Variants in PDGFC observed in about 807,000 individuals in gnomAD.
The protein encoded by PDGFC is platelet derived growth factor C.
In PDGFC, 12 loss-of-function variants were observed where a neutral mutation model predicts 35.5. The observed-to-expected ratio is 0.34, with a 90% CI of 0.22 to 0.55. The LOEUF is 0.55. PDGFC is among the 20% of genes least tolerant of loss of function. The pLI is 0.91. For missense variants in PDGFC, 322 were observed against 412.4 expected (o/e 0.78, Z 1.90); for synonymous variants, 159 against 148.8 (o/e 1.07, Z -0.50).
intron 2 of PDGFC, among the ~76,000 whole-genome samples, chr4:156,837,353 T>C (rs1399941726): frequency 6.6e-6 from 1 of 151,980 alleles, no homozygotes; most frequent in East Asian, 1.9e-4. Context: ...CACGGCAGCC[T>C]GGTGACAGAG....
At chr4:156,806,253 C>G (rs1731767113) in intron 3 of PDGFC, among the ~76,000 whole-genome samples, 1 of 151,968 alleles carries the variant, frequency 6.6e-6, no homozygotes, top group African/African-American at 2.4e-5. Flanking sequence ...TCATCCACCC[C>G]CTGCCCAGCT....
At chr4:156,781,753 T>C (rs1488901196) in intron 3 of PDGFC, among the ~76,000 whole-genome samples, 3 of 152,094 alleles carry the variant, frequency 2.0e-5, no homozygotes, top group Non-Finnish European at 4.4e-5. Flanking sequence ...CATTTATGTG[T>C]GTGTCTGTAG....
intron 1 of PDGFC, among the ~76,000 whole-genome samples, chr4:156,852,866 T>C (rs1173486078): frequency 6.6e-6 from 1 of 152,158 alleles, no homozygotes; most frequent in South Asian, 2.1e-4. Flanking sequence ...GAGAACAGTC[T>C]AAGGATGACA....
chr4:156,922,155 A>AGT (rs3070262), intron 1 of PDGFC, among the ~76,000 whole-genome samples: 64,933 of 145,112 alleles, frequency 0.45, 15,439 homozygotes, highest in Non-Finnish European at 0.55. Context: ...AAGGATTCAT[A>AGT]GTGTGTGTGT....
chr4:156,811,084 T>C (rs1307207992), intron 2 of PDGFC, 67 bp from the exon 3 acceptor site: 6 of 1,040,588 alleles, frequency 5.8e-6, no homozygotes, highest in Admixed American at 5.0e-5. Flanking sequence ...ACAAGTTTCA[T>C]GTCTGTGGGT....
Position 156,762,290 on chromosome 4 carries a change from A to T in PDGFC, c.*800T>A, listed in dbSNP as rs557263945. ...GATCTAAGTTGTCATAAAAAAGAAT[A>T]TTAAATACCTTTGGTAAAAATAGAT... On this transcript the variant is annotated 3_prime_UTR_variant, in exon 6 of 6. Coordinates refer to ENST00000502773, the MANE Select transcript of PDGFC (RefSeq NM_016205.3). 8 of 152,790 alleles carry T rather than the reference A, an allele frequency of 5.2e-5. No individual in the cohort carries two copies. Among genetic ancestry groups the T allele is most frequent in the Non-Finnish European group, 7.3e-5 (5 of 68,038 alleles). The allele number at this position is 152,790 out of a possible 1,614,324, so 9.5% of individuals were successfully genotyped here. A position where few individuals can be genotyped will look rare whatever the true frequency, so the allele number is the denominator to read the frequency against.
intron 5 of PDGFC, among the ~76,000 whole-genome samples, 157 bp from the exon 6 acceptor site, chr4:156,763,363 C>CAAAA (rs33986749): frequency 5.1e-5 from 5 of 97,134 alleles, no homozygotes; most frequent in African/African-American, 1.0e-4. Context: ...ACTCTCCCAC[C>CAAAA]AAAAAAAAAA....
chr4:156,853,326 G>C (rs1208131383), intron 1 of PDGFC, among the ~76,000 whole-genome samples: 2 of 152,056 alleles, frequency 1.3e-5, no homozygotes, highest in African/African-American at 4.8e-5. Context: ...CAATGTGAAG[G>C]GTTGTATATT....
At chr4:156,866,969 T>C (rs563053366) in intron 1 of PDGFC, among the ~76,000 whole-genome samples, 1 of 152,128 alleles carries the variant, frequency 6.6e-6, no homozygotes, top group Non-Finnish European at 1.5e-5. Context: ...TACTGAGTGT[T>C]GTAAGTGGAA....
At chr4:156,907,449 T>G (rs1730940803) in intron 1 of PDGFC, among the ~76,000 whole-genome samples, 1 of 151,804 alleles carries the variant, frequency 6.6e-6, no homozygotes, top group African/African-American at 2.4e-5. Flanking sequence ...AACATAAAGG[T>G]TTAAGGGTTT....
chr4:156,859,905 G>T (rs902834355), intron 1 of PDGFC, among the ~76,000 whole-genome samples: 11 of 151,946 alleles, frequency 7.2e-5, no homozygotes, highest in Non-Finnish European at 1.5e-4. Context: ...AAAAAAGAGT[G>T]AAAAGCTTAA....
At chr4:156,874,890 T>A (rs1579070651) in intron 1 of PDGFC, among the ~76,000 whole-genome samples, 1 of 152,084 alleles carries the variant, frequency 6.6e-6, no homozygotes, top group East Asian at 1.9e-4. Flanking sequence ...CTAATTTTTG[T>A]ATTTTTTTGT....
chr4:156,957,812 C>T (rs757998102), intron 1 of PDGFC, among the ~76,000 whole-genome samples: 1 of 151,940 alleles, frequency 6.6e-6, no homozygotes, highest in African/African-American at 2.4e-5. Context: ...TTCCAATGAC[C>T]TTCCCACTGA....
intron 2 of PDGFC, among the ~76,000 whole-genome samples, chr4:156,812,096 T>C (rs963483935): frequency 8.5e-5 from 13 of 152,050 alleles, no homozygotes; most frequent in Non-Finnish European, 1.9e-4. Flanking sequence ...ACGTCAACTA[T>C]AGAGTAAATT....
rs143878341 is a variant in PDGFC at position 156,900,670 on chromosome 4, A to G, written c.119-50254T>C. 3.5e-3 allele frequency among the ~76,000 whole-genome samples: 532 copies of G among 152,174 alleles called. 4 individuals are homozygous for G. The highest frequency in any genetic ancestry group is 0.012 in the African/African-American group (502 of 41,520). On this transcript the variant is annotated intron_variant, in intron 1 of 5. Coordinates refer to ENST00000502773, the MANE Select transcript of PDGFC (RefSeq NM_016205.3). ...AGCAAGGGCAACATGGCAAAACATCATCTCTACAAAAAATATTTTAAAAAT... is the reference window on the plus strand; with the variant it reads ...AGCAAGGGCAACATGGCAAAACATCGTCTCTACAAAAAATATTTTAAAAAT...
intron 1 of PDGFC, among the ~76,000 whole-genome samples, chr4:156,888,512 T>G (rs1730428871): frequency 3.3e-5 from 5 of 152,188 alleles, no homozygotes; most frequent in Admixed American, 3.3e-4. Context: ...AACATCCCCA[T>G]CACAGGATGT....
At chr4:156,862,046 C>T (rs1485404800) in intron 1 of PDGFC, among the ~76,000 whole-genome samples, 1 of 152,134 alleles carries the variant, frequency 6.6e-6, no homozygotes, top group African/African-American at 2.4e-5. Context: ...TAAGTTTCTT[C>T]TTGCTATTGA....
intron 1 of PDGFC, among the ~76,000 whole-genome samples, chr4:156,870,714 A>G (rs1397837165): frequency 6.6e-6 from 1 of 152,158 alleles, no homozygotes; most frequent in Admixed American, 6.5e-5. Flanking sequence ...TATAAACACT[A>G]CAGAAGATTA....
intron 2 of PDGFC, among the ~76,000 whole-genome samples, chr4:156,821,210 T>A (rs1041243435): frequency 1.3e-5 from 2 of 150,532 alleles, no homozygotes; most frequent in African/African-American, 2.5e-5. Context: ...TGTGTGTGTG[T>A]GAATGTGTGT....
Sources: allele counts gnomAD v4.1 joint callset (sites outside exome capture counted in the v4.1 genomes callset), GRCh38; gene constraint gnomAD v4.1.1; transcripts MANE v1.5; gene names NCBI Gene and HGNC (gene_info 2026-07-23, HGNC 2026-07-21).